RBFOX1: variants seen among roughly 807,000 people sequenced by gnomAD.
The protein encoded by RBFOX1 is RNA binding protein fox-1 homolog 1.
A neutral mutation model predicts 57.7 loss-of-function variants in RBFOX1; 8 were observed. That is an observed-to-expected ratio of 0.14 (90% CI 0.08 to 0.25). The LOEUF (loss-of-function observed/expected upper bound fraction) is 0.25. Among genes scored for constraint, RBFOX1 ranks in the 10% least tolerant of loss-of-function variants. The pLI, the probability that RBFOX1 is intolerant of heterozygous loss-of-function variation, is 1.00. For missense variants in RBFOX1, 611 were observed against 548.5 expected (o/e 1.11, Z -1.14); for synonymous variants, 326 against 222.4 (o/e 1.47, Z -4.15).
At chr16:5,655,775 C>T (rs1364650291) in intron 3 of RBFOX1, among the ~76,000 whole-genome samples, 1 of 152,238 alleles carries the variant, frequency 6.6e-6, no homozygotes, top group Non-Finnish European at 1.5e-5. Flanking sequence ...AATAGCCCTA[C>T]ACTTTGACTT....
chr16:6,771,028 G>T (rs551413804), intron 3 of RBFOX1, among the ~76,000 whole-genome samples: 7 of 152,090 alleles, frequency 4.6e-5, no homozygotes, highest in Non-Finnish European at 8.8e-5. Context: ...AGGATCCTTA[G>T]GAAGTTAATT....
At chr16:5,958,037 C>A (rs372072244) in intron 4 of RBFOX1, among the ~76,000 whole-genome samples, 1 of 152,008 alleles carries the variant, frequency 6.6e-6, no homozygotes, top group African/African-American at 2.4e-5. Context: ...TATGTTGATT[C>A]TAGATTTGAT....
At chr16:5,789,410 C>T (rs1020582055) in intron 3 of RBFOX1, among the ~76,000 whole-genome samples, 13 of 151,940 alleles carry the variant, frequency 8.6e-5, no homozygotes, top group South Asian at 2.1e-4. Flanking sequence ...TCTACAAGCC[C>T]GCATATTTGT....
chr16:7,673,104 C>A lies in RBFOX1; in HGVS notation c.931-3670C>A, dbSNP rs148875380. Among the ~76,000 whole-genome samples the A allele has an allele frequency of 2.0e-4, 30 of 152,166 alleles. No individual in the cohort carries two copies. In the East Asian group the frequency reaches 5.8e-3, roughly 29 times the overall value. ...ATGCACTCCAGCTGAAGGAAGCATG[C>A]GTAACACGTACATGTTACAGTCCTA... On this transcript the variant is annotated intron_variant, in intron 13 of 15. Transcript: ENST00000550418.
At chr16:5,549,456 C>G (rs1203834382) in intron 2 of RBFOX1, among the ~76,000 whole-genome samples, 1 of 152,130 alleles carries the variant, frequency 6.6e-6, no homozygotes, top group African/African-American at 2.4e-5. Flanking sequence ...GCTTTGAATA[C>G]TTAGGAACGC....
chr16:5,380,199 C>T (rs957167301), intron 1 of RBFOX1, among the ~76,000 whole-genome samples: 16 of 152,340 alleles, frequency 1.1e-4, no homozygotes, highest in Admixed American at 9.1e-4. Context: ...CCTGGCTGCT[C>T]AGCTTCCTCC....
At chr16:5,903,399 C>T (rs185019353) in intron 4 of RBFOX1, among the ~76,000 whole-genome samples, 1 of 152,118 alleles carries the variant, frequency 6.6e-6, no homozygotes, top group Non-Finnish European at 1.5e-5. Flanking sequence ...TCAGTAGCAA[C>T]ATGACACAAA....
At chr16:6,170,273 T>C in intron 1 of RBFOX1, among the ~76,000 whole-genome samples, 1 of 152,140 alleles carries the variant, frequency 6.6e-6, no homozygotes, top group East Asian at 1.9e-4. Context: ...TGCTTGTTTG[T>C]TTTCTTACCC....
intron 4 of RBFOX1, among the ~76,000 whole-genome samples, chr16:7,404,705 AAAACAAAC>A (rs371142516): frequency 6.8e-6 from 1 of 146,252 alleles, no homozygotes; most frequent in Non-Finnish European, 1.6e-5. Flanking sequence ...TTTTTCAGAA[AAAACAAAC>A]AAACAAACAA....
chr16:6,950,889 C>A (rs543564406), intron 3 of RBFOX1, among the ~76,000 whole-genome samples: 232 of 147,190 alleles, frequency 1.6e-3, no homozygotes, highest in Middle Eastern at 0.014. Flanking sequence ...CTTTCTGTTT[C>A]TTTTCACTCT....
intron 5 of RBFOX1, among the ~76,000 whole-genome samples, chr16:7,535,192 G>A (rs74010588): frequency 0.072 from 10,929 of 152,152 alleles, 485 homozygotes; most frequent in African/African-American, 0.12. Context: ...TGCACACACC[G>A]TAATGTATTG....
At chr16:7,131,603 T>G (rs1315264992) in intron 4 of RBFOX1, among the ~76,000 whole-genome samples, 2 of 151,700 alleles carry the variant, frequency 1.3e-5, no homozygotes, top group African/African-American at 2.4e-5. Context: ...CTGCAGTCTT[T>G]CCTGAATACC....
intron 4 of RBFOX1, among the ~76,000 whole-genome samples, chr16:7,442,324 C>T (rs1345322821): frequency 3.3e-5 from 5 of 152,152 alleles, no homozygotes; most frequent in African/African-American, 1.2e-4. Flanking sequence ...GTCCGTCTCC[C>T]AGCACAGCCT....
chr16:7,243,422 G>A (rs1405291431), intron 4 of RBFOX1, among the ~76,000 whole-genome samples: 1 of 152,126 alleles, frequency 6.6e-6, no homozygotes, highest in Admixed American at 6.6e-5. Context: ...TGGAAGAAAG[G>A]CATATTACCT....
intron 3 of RBFOX1, among the ~76,000 whole-genome samples, chr16:6,961,483 T>C (rs1043283673): frequency 2.0e-5 from 3 of 152,218 alleles, no homozygotes; most frequent in Admixed American, 6.5e-5. Context: ...AAAGGAGGGT[T>C]CTTGGAAATT....
intron 2 of RBFOX1, among the ~76,000 whole-genome samples, chr16:6,329,239 C>T (rs2152804127): frequency 6.6e-6 from 1 of 152,284 alleles, no homozygotes; most frequent in African/African-American, 2.4e-5. Context: ...GGAAGTTTTG[C>T]TTATGGGCCA....
In RBFOX1 at chr16:5,935,707, A is replaced by T. The variant is rs1044059967; in HGVS notation, c.351+68372A>T. Reference sequence around the variant, plus strand: ...GCAAGGTCTCAGATGTTAAAGCAACAGAATATAAGAAATAAATGACATGGA... The same window carrying T: ...GCAAGGTCTCAGATGTTAAAGCAACTGAATATAAGAAATAAATGACATGGA... On this transcript the variant is annotated intron_variant, in intron 4 of 19. Transcript: ENST00000641259. Among the ~76,000 whole-genome samples, 4 of 152,236 alleles carry T rather than the reference A, an allele frequency of 2.6e-5. No homozygotes were observed. In the South Asian group the frequency reaches 8.3e-4, roughly 32 times the overall value.
rs112443888 is a variant in RBFOX1, at chr16:7,176,949, C to T, written c.27+124851C>T. 7.9e-3 allele frequency among the ~76,000 whole-genome samples: 1,203 copies of T among 152,186 alleles called. 9 individuals carry two copies. The highest frequency in any genetic ancestry group is 0.013 in the Non-Finnish European group (885 of 68,012). ...ATCTCAGAATAGAATTTTATAGTAT[C>T]GCTTTAGTAATTCATTTACAAGGTA... On this transcript the variant is annotated intron_variant, in intron 4 of 15. Transcript: ENST00000550418.
intron 14 of RBFOX1, among the ~76,000 whole-genome samples, chr16:7,679,893 T>G (rs2074306106): frequency 6.6e-6 from 1 of 152,090 alleles, no homozygotes; most frequent in Admixed American, 6.6e-5. Context: ...CATTGACAAA[T>G]TTAATGGGAA....
Sources: allele counts gnomAD v4.1 joint callset (sites outside exome capture counted in the v4.1 genomes callset), GRCh38; gene constraint gnomAD v4.1.1; transcripts MANE v1.5; gene names NCBI Gene and HGNC (gene_info 2026-07-23, HGNC 2026-07-21).